Variants in CTDSPL2 observed in about 807,000 individuals in gnomAD.
The protein encoded by CTDSPL2 is CTD small phosphatase like 2.
In CTDSPL2, 5 loss-of-function variants were observed where a neutral mutation model predicts 60.0. The ratio of observed to expected loss-of-function variants is 0.08; its 90% CI spans 0.04 to 0.18. The LOEUF is 0.18. Among genes scored for constraint, CTDSPL2 ranks in the 10% least tolerant of loss-of-function variants. The pLI, the probability that CTDSPL2 is intolerant of heterozygous loss-of-function variation, is 1.00. For synonymous variants in CTDSPL2, 186 were observed against 189.3 expected (o/e 0.98, Z 0.14); for missense variants, 370 against 548.8 (o/e 0.67, Z 3.26).
chr15:44,460,365 C>G (rs924607285), intron 2 of CTDSPL2, among the ~76,000 whole-genome samples: 4 of 152,180 alleles, frequency 2.6e-5, no homozygotes, highest in African/African-American at 9.7e-5. Context: ...GCCTCGGCCT[C>G]CCAAAGTGCT....
intron 2 of CTDSPL2, among the ~76,000 whole-genome samples, chr15:44,472,562 G>A (rs1372613271): frequency 7.0e-6 from 1 of 142,182 alleles, no homozygotes; most frequent in East Asian, 2.1e-4. Flanking sequence ...TTTTTGGCAT[G>A]ATCTCGGTTC....
chr15:44,514,462 G>T, intron 8 of CTDSPL2, 136 bp from the exon 9 acceptor site: 1 of 627,780 alleles, frequency 1.6e-6, no homozygotes, highest in Non-Finnish European at 2.9e-6. Context: ...GGTTTGAGTG[G>T]TACTTAGTTA....
At chr15:44,516,348 A>G (rs1232680869) in intron 10 of CTDSPL2, among the ~76,000 whole-genome samples, 1 of 152,142 alleles carries the variant, frequency 6.6e-6, no homozygotes, top group East Asian at 1.9e-4. Context: ...TGCTGTTAAC[A>G]GTACCTTTAT....
At chr15:44,467,367 G>A (rs1295167777) in intron 2 of CTDSPL2, among the ~76,000 whole-genome samples, 2 of 152,178 alleles carry the variant, frequency 1.3e-5, no homozygotes, top group Non-Finnish European at 2.9e-5. Flanking sequence ...TAGCAGTGGT[G>A]AGAACAACAC....
chr15:44,439,217 C>T (rs940758471), intron 1 of CTDSPL2, among the ~76,000 whole-genome samples: 8 of 151,808 alleles, frequency 5.3e-5, no homozygotes, highest in South Asian at 2.1e-4. Context: ...GGCGTGATCT[C>T]GTCTCACTAC....
intron 11 of CTDSPL2, 191 bp from the exon 12 acceptor site, chr15:44,521,120 G>A (rs1385404785): frequency 3.0e-6 from 1 of 331,400 alleles, no homozygotes; most frequent in Non-Finnish European, 5.4e-6. Context: ...AAAACCAATA[G>A]GCTTCAATTT....
At chr15:44,506,314 G>C (rs1172551338) in intron 8 of CTDSPL2, among the ~76,000 whole-genome samples, 1 of 151,484 alleles carries the variant, frequency 6.6e-6, no homozygotes, top group African/African-American at 2.4e-5. Flanking sequence ...ACCGGCATGA[G>C]GCATGAGCCA....
At chr15:44,460,498 A>G (rs977126826) in intron 2 of CTDSPL2, among the ~76,000 whole-genome samples, 1 of 152,184 alleles carries the variant, frequency 6.6e-6, no homozygotes, top group African/African-American at 2.4e-5. Context: ...TTGTGTTCTT[A>G]GAATAATTAT....
At chr15:44,472,418 G>C (rs1265650295) in intron 2 of CTDSPL2, among the ~76,000 whole-genome samples, 1 of 152,092 alleles carries the variant, frequency 6.6e-6, no homozygotes, top group Non-Finnish European at 1.5e-5. Context: ...GTTTTGATTT[G>C]CATTTCCCTA....
chr15:44,514,938 G>T, intron 10 of CTDSPL2, 94 bp downstream of exon 10: 2 of 747,508 alleles, frequency 2.7e-6, no homozygotes, highest in Admixed American at 2.5e-5. Flanking sequence ...TCAGTTGGCT[G>T]CATATGTGTT....
At chr15:44,441,605 G>T (rs970666666) in intron 1 of CTDSPL2, among the ~76,000 whole-genome samples, 2 of 152,104 alleles carry the variant, frequency 1.3e-5, no homozygotes, top group Admixed American at 6.6e-5. Flanking sequence ...GTTTCTTCCC[G>T]TGGTCTACCT....
intron 2 of CTDSPL2, among the ~76,000 whole-genome samples, chr15:44,474,134 G>A (rs2080865063): frequency 6.6e-6 from 1 of 152,098 alleles, no homozygotes; most frequent in African/African-American, 2.4e-5. Flanking sequence ...AGAATGTTAA[G>A]ACTCATATAT....
Position 44,525,751 on chromosome 15 carries a change from A to G in CTDSPL2, c.*1577A>G, listed in dbSNP as rs1397355719. 3.1e-6 allele frequency: 1 copy of G among 324,378 alleles called. No individual in the cohort carries two copies. Among genetic ancestry groups the G allele is most frequent in the African/African-American group, 2.1e-5 (1 of 47,098 alleles). 20.1% of individuals were successfully genotyped at this position (324,378 alleles called of 1,614,324 possible). A position where few individuals can be genotyped will look rare whatever the true frequency, so the allele number is the denominator to read the frequency against. ...AGGAAATCTTTTTAGGAAAACATTT[A>G]ATTTTTGTATTTTTGATTTTAAAGG... is the stretch of plus-strand genomic sequence containing the variant. On this transcript the variant is annotated 3_prime_UTR_variant, in exon 13 of 13. Coordinates refer to ENST00000260327, the MANE Select transcript of CTDSPL2 (RefSeq NM_016396.3).
rs1232504941 is a variant in CTDSPL2, at chr15:44,525,865, T to C, written c.*1691T>C. 1 of 161,240 alleles carries C rather than the reference T, an allele frequency of 6.2e-6. No individual in the cohort carries two copies. Among genetic ancestry groups the C allele is most frequent in the African/African-American group, 2.4e-5 (1 of 41,884 alleles). The allele number at this position is 161,240 out of a possible 1,614,324, so 10.0% of individuals were successfully genotyped here. A position where few individuals can be genotyped will look rare whatever the true frequency, so the allele number is the denominator to read the frequency against. On this transcript the variant is annotated 3_prime_UTR_variant, in exon 13 of 13. Transcript: ENST00000260327. The stretch of plus-strand genomic sequence containing the variant: ...TTCTTACTATATTATCTGTTGTGTA[T>C]GTAGTTAGCATATTGTGTCACTGAA...
chr15:44,461,303 A>G (rs952674899), intron 2 of CTDSPL2, among the ~76,000 whole-genome samples: 9 of 152,230 alleles, frequency 5.9e-5, no homozygotes, highest in African/African-American at 1.4e-4. Flanking sequence ...AAAACTTAAC[A>G]CTAATAACCT....
chr15:44,514,690 A>G, intron 9 of CTDSPL2, 30 bp downstream of exon 9: 1 of 1,555,142 alleles, frequency 6.4e-7, no homozygotes, highest in Non-Finnish European at 8.9e-7. Context: ...TTACATATGT[A>G]TTTTTATTTT....
rs558280344 is a variant in CTDSPL2, at chr15:44,446,705, CA to C, written c.-24-12274del. Reference sequence around the variant, plus strand: ...TTGCTGGCTCAGAAGAGGGAACAGGCAAAAAAAAAAAAGAGAGAAAGAGAAA... The same window carrying C: ...TTGCTGGCTCAGAAGAGGGAACAGGCAAAAAAAAAAAGAGAGAAAGAGAAA... On this transcript the variant is annotated intron_variant, in intron 1 of 12. Transcript: ENST00000260327. Among the ~76,000 whole-genome samples, 529 of 91,942 alleles carry C rather than the reference CA, an allele frequency of 5.8e-3. 3 individuals are homozygous for C. Among genetic ancestry groups the C allele is most frequent in the African/African-American group, 0.013 (301 of 23,844 alleles). The allele number at this position is 91,942 out of a possible 152,430, so 60.3% of individuals were successfully genotyped here.
intron 1 of CTDSPL2, among the ~76,000 whole-genome samples, chr15:44,438,954 G>A (rs2080028443): frequency 6.6e-6 from 1 of 152,046 alleles, no homozygotes. Context: ...AACCAGTGTT[G>A]TGAACAAGTA....
intron 8 of CTDSPL2, among the ~76,000 whole-genome samples, chr15:44,502,700 A>G (rs1295729221): frequency 2.0e-5 from 3 of 152,326 alleles, no homozygotes; most frequent in South Asian, 2.1e-4. Flanking sequence ...TATACAGTAA[A>G]TTTACATATT....
Sources: allele counts gnomAD v4.1 joint callset (sites outside exome capture counted in the v4.1 genomes callset), GRCh38; gene constraint gnomAD v4.1.1; transcripts MANE v1.5; gene names NCBI Gene and HGNC (gene_info 2026-07-23, HGNC 2026-07-21).